EPHB1: variants seen among roughly 807,000 people sequenced by gnomAD.
EPHB1 encodes the protein ephrin type-B receptor 1.
In EPHB1, 30 loss-of-function variants were observed where a neutral mutation model predicts 94.4. The ratio of observed to expected loss-of-function variants is 0.32; its 90% CI spans 0.24 to 0.43. EPHB1 has a LOEUF of 0.43. EPHB1 is among the 20% of genes least tolerant of loss of function. The pLI is 1.00. For synonymous variants in EPHB1, 522 were observed against 489.1 expected (o/e 1.07, Z -0.89); for missense variants, 1,055 against 1,308.3 (o/e 0.81, Z 2.99).
chr3:135,098,762 A>G (rs963300349), intron 3 of EPHB1, among the ~76,000 whole-genome samples: 5 of 152,190 alleles, frequency 3.3e-5, no homozygotes, highest in African/African-American at 1.2e-4. Context: ...CAGTAATCCC[A>G]ACACTTTGGG....
intron 3 of EPHB1, among the ~76,000 whole-genome samples, chr3:135,032,799 A>G (rs147534976): frequency 2.0e-3 from 297 of 152,248 alleles, no homozygotes; most frequent in African/African-American, 6.7e-3. Flanking sequence ...TCCATCCCCT[A>G]CTTCCCAGAA....
chr3:134,965,914 G>A (rs992521407), intron 3 of EPHB1, among the ~76,000 whole-genome samples: 10 of 152,156 alleles, frequency 6.6e-5, no homozygotes, highest in Admixed American at 6.5e-4. Flanking sequence ...AGGGGTTGGT[G>A]GCCTTGACTC....
At chr3:135,075,622 T>C (rs1418327236) in intron 3 of EPHB1, among the ~76,000 whole-genome samples, 2 of 152,162 alleles carry the variant, frequency 1.3e-5, no homozygotes, top group Admixed American at 1.3e-4. Context: ...TGGCTGATGA[T>C]AGGGTGTGGT....
intron 9 of EPHB1, among the ~76,000 whole-genome samples, chr3:135,176,319 A>G (rs755354627): frequency 2.6e-5 from 4 of 152,200 alleles, no homozygotes; most frequent in Non-Finnish European, 4.4e-5. Context: ...TCACTTTTTC[A>G]GTTTCCCTTC....
chr3:135,226,431 T>A (rs561936050), intron 12 of EPHB1, among the ~76,000 whole-genome samples: 1 of 152,346 alleles, frequency 6.6e-6, no homozygotes, highest in East Asian at 1.9e-4. Flanking sequence ...GACATGCCCC[T>A]GGAGATCTGA....
rs532853467 is a variant in EPHB1, at chr3:134,888,520, C to T, written c.59-37296C>T. On this transcript the variant is annotated intron_variant, in intron 1 of 15. Coordinates refer to ENST00000398015, the MANE Select transcript of EPHB1 (RefSeq NM_004441.5). ...GTCAGGAGATCGAGACCATCCTGGC[C>T]AACATAGTGAAACCTCAACTCTACT... 2.3e-4 allele frequency among the ~76,000 whole-genome samples: 35 copies of T among 152,050 alleles called. No homozygotes were observed. The South Asian group carries it at 3.3e-3, about 14-fold the overall frequency.
chr3:135,053,645 G>T (rs148696864), intron 3 of EPHB1, among the ~76,000 whole-genome samples: 5 of 152,144 alleles, frequency 3.3e-5, no homozygotes, highest in Admixed American at 3.3e-4. Context: ...CAGTCATGTT[G>T]ATGAAAATAT....
intron 1 of EPHB1, among the ~76,000 whole-genome samples, chr3:134,857,115 A>C (rs573199612): frequency 2.1e-3 from 322 of 152,314 alleles, no homozygotes; most frequent in African/African-American, 7.5e-3. Flanking sequence ...AACCAGGGGA[A>C]GCCAAATGAG....
intron 13 of EPHB1, among the ~76,000 whole-genome samples, chr3:135,243,050 G>A (rs1418488235): frequency 6.8e-6 from 1 of 147,300 alleles, no homozygotes; most frequent in Non-Finnish European, 1.5e-5. Context: ...ATTCCAGCCT[G>A]GGTGACAGAG....
In EPHB1 at chr3:135,124,043, A is replaced by T. The variant is rs111985329; in HGVS notation, c.962-8671A>T. Among the ~76,000 whole-genome samples the T allele has an allele frequency of 6.0e-3, 918 of 151,762 alleles. 45 individuals carry two copies. The highest frequency in any genetic ancestry group is 0.021 in the African/African-American group (878 of 41,070). On this transcript the variant is annotated intron_variant, in intron 4 of 15. Coordinates refer to ENST00000398015, the MANE Select transcript of EPHB1 (RefSeq NM_004441.5). Reference sequence around the variant, plus strand: ...TGGCAGGCTGAAACCAGGACTTATGAGTCTGCCTCCCCCACTACCTTTCTA... The same window carrying T: ...TGGCAGGCTGAAACCAGGACTTATGTGTCTGCCTCCCCCACTACCTTTCTA...
chr3:134,849,138 G>T (rs2036928344), intron 1 of EPHB1, among the ~76,000 whole-genome samples: 1 of 152,222 alleles, frequency 6.6e-6, no homozygotes, highest in Non-Finnish European at 1.5e-5. Context: ...ACTGGTCATG[G>T]AGTTCCACGG....
intron 5 of EPHB1, among the ~76,000 whole-genome samples, chr3:135,145,633 A>G (rs1187246963): frequency 6.6e-6 from 1 of 152,204 alleles, no homozygotes; most frequent in African/African-American, 2.4e-5. Flanking sequence ...GAAAACTGCC[A>G]ATATTAGGGT....
At chr3:134,956,346 C>G (rs2107718853) in intron 3 of EPHB1, among the ~76,000 whole-genome samples, 1 of 152,210 alleles carries the variant, frequency 6.6e-6, no homozygotes, top group African/African-American at 2.4e-5. Context: ...AGGACATAGT[C>G]CTTGGAGTTT....
chr3:135,038,860 A>G lies in EPHB1; in HGVS notation c.806-67588A>G, dbSNP rs946445563. Among the ~76,000 whole-genome samples, 71 of 152,050 alleles carry G rather than the reference A, an allele frequency of 4.7e-4. 1 individual carries two copies. The highest frequency in any genetic ancestry group is 2.1e-4 in the South Asian group (1 of 4,828). On this transcript the variant is annotated intron_variant, in intron 3 of 15. Transcript: ENST00000398015. ...GGAAGGGGACCCCAGCGGGTTGCCA[A>G]TGCTGGCTCCAGCAGCCTGCTTTTA... is the stretch of plus-strand genomic sequence containing the variant.
At chr3:134,935,202 C>T (rs1332334515) in intron 2 of EPHB1, among the ~76,000 whole-genome samples, 2 of 152,156 alleles carry the variant, frequency 1.3e-5, no homozygotes, top group Admixed American at 6.5e-5. Context: ...CCTGAACTCA[C>T]AGCACTCCCA....
chr3:134,861,609 C>T (rs1031330133), intron 1 of EPHB1, among the ~76,000 whole-genome samples: 4 of 151,874 alleles, frequency 2.6e-5, no homozygotes, highest in Admixed American at 6.6e-5. Flanking sequence ...GGGATGGGAG[C>T]GGGGAGAGTG....
intron 10 of EPHB1, among the ~76,000 whole-genome samples, chr3:135,185,681 A>T (rs990786857): frequency 1.3e-5 from 2 of 152,212 alleles, no homozygotes; most frequent in Non-Finnish European, 2.9e-5. Context: ...CCAGATCTGG[A>T]GAATGTAACC....
intron 2 of EPHB1, among the ~76,000 whole-genome samples, chr3:134,931,371 A>G (rs2038899483): frequency 6.6e-6 from 1 of 152,176 alleles, no homozygotes; most frequent in Non-Finnish European, 1.5e-5. Flanking sequence ...TTTACTTTTG[A>G]AGTGGTTGGC....
At chr3:134,954,508 G>C (rs1001274546) in intron 3 of EPHB1, among the ~76,000 whole-genome samples, 2 of 152,136 alleles carry the variant, frequency 1.3e-5, no homozygotes, top group Non-Finnish European at 2.9e-5. Flanking sequence ...GAGAATGGTG[G>C]ATAACAGAGA....
Sources: gnomAD v4.1 joint callset for allele counts (sites outside exome capture counted in the v4.1 genomes callset) on GRCh38, gnomAD v4.1.1 for gene constraint, MANE v1.5 for transcripts, NCBI Gene and HGNC (gene_info 2026-07-23, HGNC 2026-07-21) for gene names.